The following SGCZ variants were observed in gnomAD, a reference collection of about 807,000 sequenced individuals.
SGCZ encodes zeta-sarcoglycan.
Under a neutral mutation model 41.3 loss-of-function variants are expected in SGCZ, and 40 were observed. The ratio of observed to expected loss-of-function variants is 0.97; its 90% CI spans 0.75 to 1.26. The LOEUF is 1.26. Ranked by LOEUF, SGCZ falls within the 50% of genes most tolerant of loss-of-function variation. SGCZ has a pLI of 0.00. For synonymous variants in SGCZ, 206 were observed against 137.5 expected (o/e 1.50, Z -3.49); for missense variants, 552 against 369.8 (o/e 1.49, Z -4.04).
intron 2 of SGCZ, among the ~76,000 whole-genome samples, chr8:14,539,085 G>T (rs1803380205): frequency 1.3e-5 from 2 of 151,864 alleles, no homozygotes; most frequent in South Asian, 4.2e-4. Flanking sequence ...AATATGAGTG[G>T]GCCTCATCCA....
intron 2 of SGCZ, among the ~76,000 whole-genome samples, chr8:14,390,085 CTA>C (rs1804715400): frequency 6.6e-6 from 1 of 151,926 alleles, no homozygotes. Flanking sequence ...GATAAATAGA[CTA>C]TGAATTTTAT....
chr8:14,670,736 G>C (rs11203657), intron 1 of SGCZ, among the ~76,000 whole-genome samples: 2 of 152,002 alleles, frequency 1.3e-5, no homozygotes, highest in Non-Finnish European at 2.9e-5. Flanking sequence ...TTTATTTTCA[G>C]TACAACCCAT....
At chr8:14,501,072 G>A (rs1272323470) in intron 2 of SGCZ, among the ~76,000 whole-genome samples, 2 of 152,002 alleles carry the variant, frequency 1.3e-5, no homozygotes, top group Admixed American at 6.6e-5. Flanking sequence ...GCTGTTAGTA[G>A]GGTTGCATTC....
intron 1 of SGCZ, among the ~76,000 whole-genome samples, chr8:14,662,421 C>A (rs1807785352): frequency 6.6e-6 from 1 of 152,138 alleles, no homozygotes; most frequent in South Asian, 2.1e-4. Flanking sequence ...ATAAAGCACC[C>A]TTGTGAGGCT....
At chr8:14,549,491 T>C (rs1388707704) in intron 2 of SGCZ, among the ~76,000 whole-genome samples, 1 of 152,060 alleles carries the variant, frequency 6.6e-6, no homozygotes, top group Non-Finnish European at 1.5e-5. Flanking sequence ...AAGATCCCTC[T>C]ACTGAAAGTG....
chr8:14,200,312 C>A (rs1805412877), intron 4 of SGCZ, among the ~76,000 whole-genome samples: 1 of 152,136 alleles, frequency 6.6e-6, no homozygotes, highest in South Asian at 2.1e-4. Flanking sequence ...TCCATGCATT[C>A]TCAATAAAAA....
chr8:14,472,744 A>G (rs10100614), intron 2 of SGCZ, among the ~76,000 whole-genome samples: 3,058 of 152,270 alleles, frequency 0.02, 67 homozygotes, highest in African/African-American at 0.05. Context: ...TTCAAACTTT[A>G]TTCTATACAA....
chr8:14,424,800 T>G (rs1373235375), intron 2 of SGCZ, among the ~76,000 whole-genome samples: 6 of 152,204 alleles, frequency 3.9e-5, no homozygotes, highest in Non-Finnish European at 5.9e-5. Context: ...TGCTAACTCT[T>G]CCTTCATTTA....
intron 1 of SGCZ, among the ~76,000 whole-genome samples, chr8:15,083,137 G>C (rs2410230): frequency 0.84 from 128,124 of 152,134 alleles, 54,064 homozygotes; most frequent in African/African-American, 0.86. Context: ...AAAATAGACT[G>C]ACAGATGCCC....
intron 1 of SGCZ, among the ~76,000 whole-genome samples, chr8:14,657,736 A>G (rs7012607): frequency 0.05 from 7,662 of 152,214 alleles, 357 homozygotes; most frequent in African/African-American, 0.12. Context: ...ATCACAATCC[A>G]TCAATGTATC....
At chr8:14,684,112 G>A (rs1001886275) in intron 1 of SGCZ, among the ~76,000 whole-genome samples, 1 of 152,092 alleles carries the variant, frequency 6.6e-6, no homozygotes. Context: ...CTTTTCCAGT[G>A]ATTACATCAA....
intron 2 of SGCZ, among the ~76,000 whole-genome samples, chr8:14,406,180 T>G (rs192162961): frequency 6.6e-6 from 1 of 152,266 alleles, no homozygotes; most frequent in African/African-American, 2.4e-5. Context: ...TTTGCCTTAA[T>G]TTCTGCACTT....
chr8:15,205,686 T>C (rs111760346), intron 1 of SGCZ, among the ~76,000 whole-genome samples: 8,303 of 152,240 alleles, frequency 0.055, 255 homozygotes, highest in South Asian at 0.074. Flanking sequence ...AGTTCAACCA[T>C]TGAGAAAAGC....
intron 2 of SGCZ, among the ~76,000 whole-genome samples, chr8:14,345,247 G>A (rs972315083): frequency 1.3e-5 from 2 of 152,070 alleles, no homozygotes; most frequent in African/African-American, 4.8e-5. Context: ...ATCCATTAGA[G>A]TCAGAAATCT....
intron 3 of SGCZ, among the ~76,000 whole-genome samples, chr8:14,278,118 A>T (rs1209637473): frequency 1.3e-5 from 2 of 152,104 alleles, no homozygotes; most frequent in Non-Finnish European, 2.9e-5. Context: ...ATAATCATTT[A>T]CAAACTATTG....
chr8:15,219,863 GC>G (rs1213684369), intron 1 of SGCZ, among the ~76,000 whole-genome samples: 2 of 152,158 alleles, frequency 1.3e-5, no homozygotes, highest in African/African-American at 2.4e-5. Flanking sequence ...TTCCTGAAGT[GC>G]CTATAGTGTG....
rs137981344 is a variant in SGCZ, at chr8:14,233,213, G to A, written c.424+4379C>T. 1.6e-3 allele frequency among the ~76,000 whole-genome samples: 246 copies of A among 151,770 alleles called. 1 individual carries two copies. The highest frequency in any genetic ancestry group is 5.5e-3 in the African/African-American group (228 of 41,444). On this transcript the variant is annotated intron_variant, in intron 4 of 7. Coordinates refer to ENST00000382080, the MANE Select transcript of SGCZ (RefSeq NM_139167.4). Reference sequence around the variant, plus strand: ...TAGACTGACAGCATAAGGCACATGAGAAAGGAAAATAAAATATTAGTTTTT... The same window carrying A: ...TAGACTGACAGCATAAGGCACATGAAAAAGGAAAATAAAATATTAGTTTTT...
intron 1 of SGCZ, among the ~76,000 whole-genome samples, chr8:14,623,529 T>G (rs1440478928): frequency 1.3e-5 from 2 of 152,118 alleles, no homozygotes; most frequent in African/African-American, 4.8e-5. Context: ...AAAAATTACT[T>G]CATGTGTTTG....
intron 1 of SGCZ, among the ~76,000 whole-genome samples, chr8:14,635,563 G>A (rs914064950): frequency 5.9e-5 from 9 of 151,968 alleles, no homozygotes; most frequent in Admixed American, 3.9e-4. Flanking sequence ...GAAATAATTC[G>A]TAAGTTTTAA....
Sources: gnomAD v4.1 joint callset for allele counts (sites outside exome capture counted in the v4.1 genomes callset) on GRCh38, gnomAD v4.1.1 for gene constraint, MANE v1.5 for transcripts, NCBI Gene and HGNC (gene_info 2026-07-23, HGNC 2026-07-21) for gene names.